The following PRKN variants were observed in gnomAD, a reference collection of about 807,000 sequenced individuals.
The protein encoded by PRKN is parkin RBR E3 ubiquitin protein ligase.
A neutral mutation model predicts 59.5 loss-of-function variants in PRKN; 56 were observed. That is an observed-to-expected ratio of 0.94 (90% CI 0.76 to 1.18). The LOEUF (loss-of-function observed/expected upper bound fraction) is 1.18. Among genes scored for constraint, PRKN ranks in the 50% most tolerant of loss-of-function variants. The pLI is 0.00. For synonymous variants in PRKN, 250 were observed against 222.1 expected (o/e 1.13, Z -1.12); for missense variants, 657 against 596.4 (o/e 1.10, Z -1.06).
At chr6:162,546,085 G>A (rs1779105334) in intron 1 of PRKN, among the ~76,000 whole-genome samples, 1 of 147,260 alleles carries the variant, frequency 6.8e-6, no homozygotes, top group Admixed American at 6.8e-5. Flanking sequence ...CAATTACCAT[G>A]TAAAAGTGTA....
rs1371005814 is a variant in PRKN, at chr6:161,525,492, CAGG to C, written c.1083+23359_1083+23361del. Among the ~76,000 whole-genome samples, 2 of 152,236 alleles carry C rather than the reference CAGG, an allele frequency of 1.3e-5. No individual in the cohort carries two copies. The highest frequency in any genetic ancestry group is 2.4e-5 in the African/African-American group (1 of 41,548). ...GCCAACAGGTCAGGGATATTGGGAG[CAGG>C]AGAACTGTGGTGCTGCATGAATTTA... On this transcript the variant is annotated intron_variant, in intron 9 of 11. Coordinates refer to ENST00000366898, the MANE Select transcript of PRKN (RefSeq NM_004562.3). This position sits in a 1 kb window ranked among gnomAD's most constrained non-coding sequence, Gnocchi z 4.7.
rs932803895 is a variant in PRKN, at chr6:161,470,806, C to T, written c.1083+78048G>A. ...CCGAAGGCTGCCTGAAGGGCTGCCA[C>T]ATGTAGGGGATGTGGATGAATCTGA... On this transcript the variant is annotated intron_variant, in intron 9 of 11. Transcript: ENST00000366898. The surrounding 1 kb of genome is among the most constrained non-coding windows in gnomAD (Gnocchi z 5.1). Among the ~76,000 whole-genome samples the T allele has an allele frequency of 4.6e-5, 7 of 152,268 alleles. No individual in the cohort carries two copies. Among genetic ancestry groups the T allele is most frequent in the African/African-American group, 1.7e-4 (7 of 41,556 alleles).
intron 1 of PRKN, among the ~76,000 whole-genome samples, chr6:162,636,853 G>A (rs768563168): frequency 6.6e-6 from 1 of 152,050 alleles, no homozygotes; most frequent in Non-Finnish European, 1.5e-5. Flanking sequence ...GTAGTAAGTC[G>A]GGAGGCCGAA....
chr6:161,512,717 G>A (rs906682087), intron 9 of PRKN, among the ~76,000 whole-genome samples: 3 of 152,174 alleles, frequency 2.0e-5, no homozygotes, highest in Non-Finnish European at 2.9e-5. Flanking sequence ...AAACAATCAC[G>A]TGTGACTATG....
At chr6:162,155,103 TA>T (rs5881453) in intron 4 of PRKN, among the ~76,000 whole-genome samples, 1 of 135,818 alleles carries the variant, frequency 7.4e-6, no homozygotes, top group African/African-American at 2.6e-5. Flanking sequence ...AAATAAAACC[TA>T]AAAAAAAAAA....
At chr6:162,294,180 A>G (rs1284918438) in intron 2 of PRKN, among the ~76,000 whole-genome samples, 2 of 152,118 alleles carry the variant, frequency 1.3e-5, no homozygotes, top group Non-Finnish European at 2.9e-5. Context: ...AGAGTTCATG[A>G]AAGCCCCCGG....
intron 6 of PRKN, among the ~76,000 whole-genome samples, chr6:161,888,569 T>A (rs1298052002): frequency 6.6e-6 from 1 of 151,970 alleles, no homozygotes; most frequent in East Asian, 1.9e-4. Flanking sequence ...TTTCTAGGAG[T>A]GGGGCATGGG....
rs1357889124 is a variant in PRKN at position 161,502,364 on chromosome 6, A to G, written c.1083+46490T>C. On this transcript the variant is annotated intron_variant, in intron 9 of 11. Transcript: ENST00000366898. The surrounding 1 kb of genome is among the most constrained non-coding windows in gnomAD (Gnocchi z 4.0). ...CAATGTTTGGCTGTGCAGAAAACCA[A>G]TGACATCAAAAGGAGAGCTTCTAGA... Among the ~76,000 whole-genome samples, 8 of 152,178 alleles carry G rather than the reference A, an allele frequency of 5.3e-5. No homozygotes were observed. Among genetic ancestry groups the G allele is most frequent in the Admixed American group, 5.2e-4 (8 of 15,272 alleles).
chr6:161,874,726 TA>T (rs1453841767), intron 6 of PRKN, among the ~76,000 whole-genome samples: 1 of 104,026 alleles, frequency 9.6e-6, no homozygotes, highest in African/African-American at 4.2e-5. Context: ...GTACAATATA[TA>T]AAATGTACTA....
At chr6:161,464,616 C>A (rs1471334919) in intron 9 of PRKN, among the ~76,000 whole-genome samples, 6 of 152,208 alleles carry the variant, frequency 3.9e-5, no homozygotes, top group Non-Finnish European at 8.8e-5. Flanking sequence ...CTAAGGAAAT[C>A]ATTGAACTTC....
intron 7 of PRKN, among the ~76,000 whole-genome samples, chr6:161,776,182 A>G (rs924833498): frequency 3.9e-5 from 6 of 152,304 alleles, no homozygotes; most frequent in Admixed American, 2.0e-4. Flanking sequence ...AGCACTCTCA[A>G]CAAATCAACC....
chr6:162,464,564 C>A (rs932282157), intron 1 of PRKN, among the ~76,000 whole-genome samples: 6 of 151,060 alleles, frequency 4.0e-5, no homozygotes, highest in African/African-American at 1.5e-4. Flanking sequence ...GCCTGTAATC[C>A]TAGCACTTTG....
chr6:161,516,826 C>CAAAAAAAAAAAAAAAAAAAAAA (rs369136348), intron 9 of PRKN, among the ~76,000 whole-genome samples: 16 of 63,194 alleles, frequency 2.5e-4, no homozygotes, highest in Non-Finnish European at 2.8e-4. Context: ...GACTCAATCT[C>CAAAAAAAAAAAAAAAAAAAAAA]AAAAAAAAAA....
At chr6:162,628,822 G>A (rs535254381) in intron 1 of PRKN, among the ~76,000 whole-genome samples, 2 of 152,070 alleles carry the variant, frequency 1.3e-5, no homozygotes, top group Non-Finnish European at 2.9e-5. Context: ...TTTTGCCAAA[G>A]ATACAGGAAT....
rs1415556976 is a variant in PRKN, at chr6:161,361,762, T to C, written c.1168-1557A>G. ...TTGTGAATACTTTGCTAGAATAACG[T>C]GGAGTCAGCTGCTCGGAGGCAACGG... On this transcript the variant is annotated intron_variant, in intron 10 of 11. Transcript: ENST00000366898. This position sits in a 1 kb window ranked among gnomAD's most constrained non-coding sequence, Gnocchi z 5.2. Among the ~76,000 whole-genome samples the C allele has an allele frequency of 2.0e-5, 3 of 152,206 alleles. No individual in the cohort carries two copies. The highest frequency in any genetic ancestry group is 7.2e-5 in the African/African-American group (3 of 41,460).
chr6:161,556,889 T>A (rs768741748), intron 8 of PRKN, among the ~76,000 whole-genome samples: 6 of 152,202 alleles, frequency 3.9e-5, no homozygotes, highest in Admixed American at 3.9e-4. Context: ...TCTGTGTGTG[T>A]GTAGATATGC....
chr6:161,620,780 T>C (rs988666792), intron 7 of PRKN, among the ~76,000 whole-genome samples: 2 of 152,236 alleles, frequency 1.3e-5, no homozygotes, highest in Non-Finnish European at 2.9e-5. Context: ...GATTCATCTA[T>C]GTTAAAAAAC....
In PRKN at chr6:161,575,393, A is replaced by C. The variant is rs1302102605; in HGVS notation, c.872-5977T>G. Among the ~76,000 whole-genome samples, 2 of 152,196 alleles carry C rather than the reference A, an allele frequency of 1.3e-5. No individual in the cohort carries two copies. Among genetic ancestry groups the C allele is most frequent in the Non-Finnish European group, 2.9e-5 (2 of 68,032 alleles). ...AAGTCACTGACAGCTACTGAGAAAA[A>C]GCAACCCCAAACAAAACAAAACAAA... On this transcript the variant is annotated intron_variant, in intron 7 of 11. Transcript: ENST00000366898. This position sits in a 1 kb window ranked among gnomAD's most constrained non-coding sequence, Gnocchi z 4.6.
chr6:162,709,090 C>G (rs911724298), intron 1 of PRKN, among the ~76,000 whole-genome samples: 5 of 152,074 alleles, frequency 3.3e-5, no homozygotes, highest in Admixed American at 6.5e-5. Flanking sequence ...GTCACTGTCT[C>G]CCATCACCTC....
Sources: allele counts gnomAD v4.1 joint callset (sites outside exome capture counted in the v4.1 genomes callset), GRCh38; gene constraint gnomAD v4.1.1; non-coding constraint Gnocchi (gnomAD v3.1); transcripts MANE v1.5; gene names NCBI Gene and HGNC (gene_info 2026-07-23, HGNC 2026-07-21).